RRP12: variants seen among roughly 807,000 people sequenced by gnomAD.
The protein encoded by RRP12 is RRP12-like protein.
RRP12 carries 78 observed loss-of-function variants against 157.3 expected under a neutral mutation model. The ratio of observed to expected loss-of-function variants is 0.50; its 90% CI spans 0.41 to 0.60. RRP12 has a LOEUF of 0.60. RRP12 is among the 20% of genes least tolerant of loss of function. The probability of loss-of-function intolerance (pLI) is 0.00; values close to 1 mark genes in which losing one functional copy is unlikely to be tolerated. For synonymous variants in RRP12, 726 were observed against 670.9 expected, an observed-to-expected ratio of 1.08 and a Z score of -1.27; for missense variants, 1,521 against 1,679.9, an observed-to-expected ratio of 0.91 and a Z score of 1.65.
chr10:97,399,800 G>A (rs1038890736), intron 2 of RRP12, among the ~76,000 whole-genome samples: 9 of 151,660 alleles, frequency 5.9e-5, no homozygotes, highest in African/African-American at 2.2e-4. Context: ...TGCCTGTAAT[G>A]GCAGCTACTT....
chr10:97,378,666 G>A (rs1844376731), intron 15 of RRP12, among the ~76,000 whole-genome samples: 1 of 152,088 alleles, frequency 6.6e-6, no homozygotes, highest in South Asian at 2.1e-4. Context: ...AGACCAGTCT[G>A]GCTGCCATGG....
At position 97,372,934 on chromosome 10, in the gene RRP12, G is replaced by A. The variant is rs1844198651; in HGVS notation, c.2181+112C>T. 2.1e-6 allele frequency: 3 copies of A among 1,443,412 alleles called. No homozygotes were observed. The East Asian group carries it at 7.5e-5, about 36-fold the overall frequency. 89.4% of individuals were successfully genotyped at this position (1,443,412 alleles called of 1,614,324 possible). On this transcript the variant is annotated intron_variant, in intron 18 of 33. Coordinates refer to ENST00000370992, the MANE Select transcript of RRP12 (RefSeq NM_015179.4). ...GCCCAAGCCATGACTGCTGGTATGTGCTCCAAAACACAGAGACCCACGTGA... is the reference window on the plus strand; with the variant it reads ...GCCCAAGCCATGACTGCTGGTATGTACTCCAAAACACAGAGACCCACGTGA...
chr10:97,387,319 C>T lies in RRP12; in HGVS notation c.1017+933G>A, dbSNP rs1017642589. 4.7e-5 allele frequency among the ~76,000 whole-genome samples: 7 copies of T among 149,834 alleles called. 1 individual carries two copies. The highest frequency in any genetic ancestry group is 4.0e-4 in the Admixed American group (6 of 15,028). On this transcript the variant is annotated intron_variant, in intron 8 of 33. Transcript: ENST00000370992. ...GAATATTTTCTTTTCTTTTTCTTTC[C>T]TTTTTTTTCTTTTTCCTTTTTTTTT...
At position 97,371,125 on chromosome 10, in the gene RRP12, T is replaced by C. The variant is rs1401205661; in HGVS notation, c.2344-44A>G. ...TGAGGGAGGCCTGGGGCTCACTCCC[T>C]GTCCAATGCTATCCACGGAGCATCC... On this transcript the variant is annotated intron_variant, in intron 20 of 33. Transcript: ENST00000370992. 3 of 1,594,340 alleles carry C rather than the reference T, an allele frequency of 1.9e-6. No individual in the cohort carries two copies. In the African/African-American group the frequency reaches 4.0e-5, roughly 21 times the overall value.
chr10:97,366,282 A>G, intron 28 of RRP12, 49 bp from the exon 29 acceptor site: 2 of 1,598,784 alleles, frequency 1.3e-6, no homozygotes, highest in Non-Finnish European at 1.7e-6. Context: ...GTCCCATGCT[A>G]CTCACCCTCA....
rs1240126480 is a variant in RRP12 at position 97,358,585 on chromosome 10, G to A, written c.3743C>T (p.Pro1248Leu). 1.2e-5 allele frequency: 19 copies of A among 1,613,786 alleles called. No individual in the cohort carries two copies. Among genetic ancestry groups the A allele is most frequent in the South Asian group, 3.3e-5 (3 of 91,072 alleles). ...GAGGGGGATGTAGGCATAGGGATCC[G>A]GCCGGCCTTTCTTCTTCACATCACC... is the stretch of plus-strand genomic sequence containing the variant. Reference protein sequence around the residue: ...AKGDVKKKGRPDPYAYIPLNR... With the variant: ...AKGDVKKKGRLDPYAYIPLNR... Residue 1248 changes from proline (P) to leucine (L), a missense_variant, in exon 33 of 34, where the codon CCG (proline) becomes CTG (leucine). Transcript: ENST00000370992.
rs1845115070 is a variant in RRP12 at position 97,400,515 on chromosome 10, G to A, written c.159C>T (p.Val53=). 6 of 1,613,574 alleles carry A rather than the reference G, an allele frequency of 3.7e-6. No homozygotes were observed. Among genetic ancestry groups the A allele is most frequent in the Non-Finnish European group, 4.2e-6 (5 of 1,179,942 alleles). ...SRPSGRSDLT[V]DAVKLHNELQ... is the part of the protein sequence containing the mutation. ...GCTCATTATGTAACTTCACAGCATC[G>A]ACTGTCAGGTCACTCCTTCCTGAGA... is the stretch of plus-strand genomic sequence containing the variant. Residue 53 remains valine, a synonymous_variant, in exon 2 of 34, where the codon GTC becomes GTT. Coordinates refer to ENST00000370992, the MANE Select transcript of RRP12 (RefSeq NM_015179.4).
intron 19 of RRP12, 54 bp downstream of exon 19, chr10:97,372,682 C>G: frequency 4.9e-6 from 7 of 1,419,718 alleles, no homozygotes; most frequent in Non-Finnish European, 6.8e-6. Flanking sequence ...GCCAGATGCA[C>G]CCTCCAGCTC....
At chr10:97,399,629 C>T (rs547481801) in intron 2 of RRP12, among the ~76,000 whole-genome samples, 2 of 151,468 alleles carry the variant, frequency 1.3e-5, no homozygotes, top group East Asian at 1.9e-4. Flanking sequence ...CCAAGGTGGG[C>T]GGATTACCTG....
In RRP12 at chr10:97,356,771, C is replaced by T. The variant is rs1430849622; in HGVS notation, c.*323G>A. On this transcript the variant is annotated 3_prime_UTR_variant, in exon 34 of 34. Transcript: ENST00000370992. ...CACCCAGACCACAGGCAGGATGCCA[C>T]GTGGCTACAGGCAGCTGGCGGAAAT... The T allele has an allele frequency of 1.1e-5, 3 of 271,552 alleles. No homozygotes were observed. Among genetic ancestry groups the T allele is most frequent in the African/African-American group, 2.2e-5 (1 of 45,274 alleles). 16.8% of individuals were successfully genotyped at this position (271,552 alleles called of 1,614,324 possible). A position where few individuals can be genotyped will look rare whatever the true frequency, so the allele number is the denominator to read the frequency against.
In RRP12 at chr10:97,366,089, A is replaced by G. The variant is rs755098513; in HGVS notation, c.3517+19T>C. ...ATAAGTGAACACGGTGAATGAATGG[A>G]CAAGCGCGTTGGGCCCACCTTTGGC... On this transcript the variant is annotated intron_variant, in intron 29 of 33. Coordinates refer to ENST00000370992, the MANE Select transcript of RRP12 (RefSeq NM_015179.4). The G allele has an allele frequency of 6.2e-7, 1 of 1,600,732 alleles. No individual in the cohort carries two copies. The highest frequency in any genetic ancestry group is 8.5e-7 in the Non-Finnish European group (1 of 1,179,880).
At chr10:97,389,395 G>A (rs568450289) in intron 6 of RRP12, among the ~76,000 whole-genome samples, 57 of 152,186 alleles carry the variant, frequency 3.7e-4, no homozygotes, top group Admixed American at 9.8e-4. Flanking sequence ...GCCCAGCCAA[G>A]GGGCTGCTAC....
Position 97,362,900 on chromosome 10 carries a change from A to G in RRP12, c.3567+954T>C, listed in dbSNP as rs372369006. 9.2e-5 allele frequency among the ~76,000 whole-genome samples: 14 copies of G among 152,326 alleles called. No individual in the cohort carries two copies. The East Asian group carries it at 2.5e-3, about 27-fold the overall frequency. On this transcript the variant is annotated intron_variant, in intron 30 of 33. Transcript: ENST00000370992. ...ACATTGACAAACATGACGCCAATGA[A>G]AACGGGGATGTGGGGGAAGTCTGTA...
chr10:97,367,893 G>A (rs542732922), intron 25 of RRP12, among the ~76,000 whole-genome samples: 6 of 152,224 alleles, frequency 3.9e-5, no homozygotes, highest in African/African-American at 1.4e-4. Context: ...TATCACGCCT[G>A]GCTAATTTTT....
intron 31 of RRP12, 147 bp downstream of exon 31, chr10:97,360,399 T>TA (rs1405307587): frequency 3.0e-6 from 2 of 664,720 alleles, no homozygotes; most frequent in African/African-American, 3.6e-5. Context: ...CCATCTTGAG[T>TA]GTCATATCAG....
chr10:97,373,528 G>T (rs767884314), intron 17 of RRP12, 47 bp downstream of exon 17: 1 of 1,539,150 alleles, frequency 6.5e-7, no homozygotes, highest in Non-Finnish European at 8.8e-7. Context: ...TGGGGCCAGG[G>T]ACCTGTGTCA....
At chr10:97,388,157 G>T (rs1199611565) in intron 8 of RRP12, 95 bp downstream of exon 8, 4 of 1,520,972 alleles carry the variant, frequency 2.6e-6, no homozygotes, top group Non-Finnish European at 3.6e-6. Flanking sequence ...AGTCAGGGAG[G>T]GAGACCCCAG....
chr10:97,357,713 C>T (rs555963925), intron 33 of RRP12, among the ~76,000 whole-genome samples: 2 of 152,208 alleles, frequency 1.3e-5, no homozygotes, highest in Admixed American at 1.3e-4. Context: ...AATCCCAGCA[C>T]TTTGGGAGGC....
intron 33 of RRP12, among the ~76,000 whole-genome samples, chr10:97,358,045 C>A (rs1250903095): frequency 6.7e-6 from 1 of 149,924 alleles, no homozygotes; most frequent in Non-Finnish European, 1.5e-5. Flanking sequence ...TTTAAAGAAG[C>A]AGTTCAGGGC....
Sources: gnomAD v4.1 joint callset for allele counts (sites outside exome capture counted in the v4.1 genomes callset) on GRCh38, gnomAD v4.1.1 for gene constraint, MANE v1.5 for transcripts, NCBI Gene and HGNC (gene_info 2026-07-23, HGNC 2026-07-21) for gene names.